Variants in MMP3 observed in about 807,000 individuals in gnomAD.
MMP3 encodes matrix metallopeptidase 3.
MMP3 carries 46 observed loss-of-function variants against 47.3 expected under a neutral mutation model. That is an observed-to-expected ratio of 0.97 (90% CI 0.77 to 1.24). The LOEUF (loss-of-function observed/expected upper bound fraction) is 1.24. Ranked by LOEUF, MMP3 falls within the 50% of genes most tolerant of loss-of-function variation. The pLI, the probability that MMP3 is intolerant of heterozygous loss-of-function variation, is 0.00. For synonymous variants in MMP3, 216 were observed against 206.5 expected, an observed-to-expected ratio of 1.05 and a Z score of -0.39; for missense variants, 558 against 565.5, an observed-to-expected ratio of 0.99 and a Z score of 0.13.
chr11:102,842,322 C>G (rs781888763), intron 3 of MMP3, 43 bp from the exon 4 acceptor site: 1 of 1,573,116 alleles, frequency 6.4e-7, no homozygotes, highest in Admixed American at 2.0e-5. Flanking sequence ...TAACAAGGAT[C>G]CCTTTTGAGC....
intron 4 of MMP3, 28 bp downstream of exon 4, chr11:102,842,126 A>G (rs782737882): frequency 6.6e-7 from 1 of 1,505,670 alleles, no homozygotes; most frequent in South Asian, 1.5e-5. Context: ...ATTAATGCCA[A>G]AATCATTCTG....
At chr11:102,842,070 T>C (rs1354570871) in intron 4 of MMP3, 84 bp downstream of exon 4, 1 of 1,332,168 alleles carries the variant, frequency 7.5e-7, no homozygotes, top group East Asian at 2.5e-5. Flanking sequence ...GAACATCTCA[T>C]TTCTTGAGCA....
intron 7 of MMP3, 30 bp downstream of exon 7, chr11:102,839,080 A>G (rs1858941384): frequency 6.3e-7 from 1 of 1,595,540 alleles, no homozygotes. Context: ...TTACTTTGGC[A>G]AGTTAAACAA....
In MMP3 at chr11:102,838,643, TA is replaced by T; in HGVS notation, c.1136del (p.Leu379GlnfsTer7). The T allele has an allele frequency of 6.2e-7, 1 of 1,613,534 alleles. No individual in the cohort carries two copies. Among genetic ancestry groups the T allele is most frequent in the East Asian group, 2.2e-5 (1 of 44,888 alleles). ...RAGYPRGIHT[L>X]GFPPTVRKID... ...TTTTCCTCACGGTTGGAGGGAAACC[TA>T]GGGTGTGGATGCCTCTTGGGTATCC... is the stretch of plus-strand genomic sequence containing the variant. On this transcript the variant is annotated frameshift_variant, in exon 8 of 10. Transcript: ENST00000299855. LOFTEE classifies it high-confidence loss of function.
At chr11:102,840,626 T>A (rs1555005304) in intron 4 of MMP3, 33 bp from the exon 5 acceptor site, 2 of 1,606,784 alleles carry the variant, frequency 1.2e-6, no homozygotes, top group Non-Finnish European at 1.7e-6. Flanking sequence ...TAGTTACTTA[T>A]TTTTTAAATA....
Position 102,839,103 on chromosome 11 carries a change from T to C in MMP3, c.1069+7A>G. 1 of 1,611,110 alleles carries C rather than the reference T, an allele frequency of 6.2e-7. No individual in the cohort carries two copies. The highest frequency in any genetic ancestry group is 8.5e-7 in the Non-Finnish European group (1 of 1,179,226). ...GCAAGTTAAACAAATGATGATATAG[T>C]AATTACCTTTAAAAATGAAAACGAG... On this transcript the variant is annotated splice_region_variant and intron_variant, in intron 7 of 9. Transcript: ENST00000299855.
chr11:102,843,085 G>A (rs1202021167), intron 1 of MMP3, among the ~76,000 whole-genome samples, 169 bp from the exon 2 acceptor site: 1 of 144,280 alleles, frequency 6.9e-6, no homozygotes, highest in Admixed American at 7.2e-5. Flanking sequence ...CAAATATTTA[G>A]CTAAAATTAC....
In MMP3 at chr11:102,839,149, A is replaced by G. The variant is rs782558227; in HGVS notation, c.1030T>C (p.Tyr344His). The change falls in exon 7 of 10, where the codon TAT (tyrosine) becomes CAT (histidine). Residue 344 changes from tyrosine (Y) to histidine (H), a missense_variant. By Grantham distance (83) the Tyr-to-His change is moderately conservative. Coordinates refer to ENST00000299855, the MANE Select transcript of MMP3 (RefSeq NM_002422.5). ...PSLPSGVDAA[Y>H]EVTSKDLVFI... ...ACGAGGTCCTTGCTAGTAACTTCATATGCGGCATCCACGCCTGAAGGAAGA... is the reference window on the plus strand; with the variant it reads ...ACGAGGTCCTTGCTAGTAACTTCATGTGCGGCATCCACGCCTGAAGGAAGA... The G allele has an allele frequency of 5.0e-6, 8 of 1,614,066 alleles. No homozygotes were observed. The highest frequency in any genetic ancestry group is 1.3e-5 in the African/African-American group (1 of 74,944).
In MMP3 at chr11:102,842,676, A is replaced by T; in HGVS notation, c.346T>A (p.Tyr116Asn). ...IPKWRKTHLTYRIVNYTPDLP... is the reference protein window; with the variant it reads ...IPKWRKTHLTNRIVNYTPDLP... ...AAAACCCCTCTGAACCATTACCTGT[A>T]TGTAAGGTGGGTTTTCCTCCACTTC... The change falls in exon 2 of 10, where the codon TAC becomes AAC. Residue 116 changes from tyrosine (Y) to asparagine (N), a missense_variant. Coordinates refer to ENST00000299855, the MANE Select transcript of MMP3 (RefSeq NM_002422.5). 1 of 1,613,934 alleles carries T rather than the reference A, an allele frequency of 6.2e-7. No homozygotes were observed. The highest frequency in any genetic ancestry group is 8.5e-7 in the Non-Finnish European group (1 of 1,179,948).
In MMP3 at chr11:102,838,836, C is replaced by G. The variant is rs187448381; in HGVS notation, c.1070-126G>C. 2.4e-4 allele frequency: 282 copies of G among 1,195,958 alleles called. 2 individuals carry two copies. The African/African-American group carries it at 3.9e-3, about 16-fold the overall frequency. 74.1% of individuals were successfully genotyped at this position (1,195,958 alleles called of 1,614,324 possible). ...GTAGCCCAAATTTTAGATTTAGTCACCAGCTTACAGTGGGCTTTTCACAAA... is the reference window on the plus strand; with the variant it reads ...GTAGCCCAAATTTTAGATTTAGTCAGCAGCTTACAGTGGGCTTTTCACAAA... On this transcript the variant is annotated intron_variant, in intron 7 of 9. Coordinates refer to ENST00000299855, the MANE Select transcript of MMP3 (RefSeq NM_002422.5).
chr11:102,838,779 A>G, intron 7 of MMP3, 69 bp from the exon 8 acceptor site: 1 of 1,481,894 alleles, frequency 6.7e-7, no homozygotes, highest in Non-Finnish European at 9.1e-7. Flanking sequence ...TTAGAAATAC[A>G]CTTTAGCATC....
chr11:102,838,752 A>G, intron 7 of MMP3, 42 bp from the exon 8 acceptor site: 1 of 1,569,752 alleles, frequency 6.4e-7, no homozygotes, highest in Non-Finnish European at 8.7e-7. Flanking sequence ...GAATTATAAC[A>G]GTTAAGCCCT....
Position 102,837,409 on chromosome 11 carries a change from A to G in MMP3, c.1230-8T>C, listed in dbSNP as rs1414202024. On this transcript the variant is annotated splice_region_variant and splice_polypyrimidine_tract_variant and intron_variant, in intron 8 of 9. Coordinates refer to ENST00000299855, the MANE Select transcript of MMP3 (RefSeq NM_002422.5). The surrounding 1 kb of genome is among the most constrained non-coding windows in gnomAD (Gnocchi z 4.4). ...TTTCTCTTCTCATCAAATCTGTACC[A>G]AGTAAAAGAAACAGCTCAGCATTGC... is the stretch of plus-strand genomic sequence containing the variant. 1 of 1,606,842 alleles carries G rather than the reference A, an allele frequency of 6.2e-7. No individual in the cohort carries two copies. Among genetic ancestry groups the G allele is most frequent in the Non-Finnish European group, 8.5e-7 (1 of 1,173,832 alleles).
intron 3 of MMP3, 27 bp downstream of exon 3, chr11:102,842,404 C>A (rs538161727): frequency 1.2e-6 from 1 of 810,712 alleles, no homozygotes; most frequent in South Asian, 2.8e-5. Flanking sequence ...TTTTGTTTTG[C>A]TTTTTTTTTT....
At position 102,837,073 on chromosome 11, in the gene MMP3, G is replaced by A. The variant is rs1555004675; in HGVS notation, c.1333+225C>T. 6.6e-6 allele frequency among the ~76,000 whole-genome samples: 1 copy of A among 152,200 alleles called. No homozygotes were observed. Among genetic ancestry groups the A allele is most frequent in the Non-Finnish European group, 1.5e-5 (1 of 68,040 alleles). Reference sequence around the variant, plus strand: ...TGGAGCACTTTGATTTTATATGCATGTATAAGATAAAGTAGCGAGATTTGT... The same window carrying A: ...TGGAGCACTTTGATTTTATATGCATATATAAGATAAAGTAGCGAGATTTGT... On this transcript the variant is annotated intron_variant, in intron 9 of 9. Coordinates refer to ENST00000299855, the MANE Select transcript of MMP3 (RefSeq NM_002422.5). The surrounding 1 kb of genome is among the most constrained non-coding windows in gnomAD (Gnocchi z 4.4).
Position 102,843,515 on chromosome 11 carries a change from C to T in MMP3, c.32G>A (p.Cys11Tyr). The T allele has an allele frequency of 1.2e-6, 2 of 1,613,666 alleles. No individual in the cohort carries two copies. Among genetic ancestry groups the T allele is most frequent in the Non-Finnish European group, 1.7e-6 (2 of 1,179,772 alleles). MKSLPILLLL[C>Y]VAVCSAYPLD... ...TGGATAGGCTGAGCAAACTGCCACG[C>T]ACAGCAACAGTAGGATTGGAAGACT... Residue 11 changes from cysteine to tyrosine, a missense_variant, in exon 1 of 10, where the codon TGC becomes TAC. Cys to Tyr is a radical substitution (Grantham distance 194). Transcript: ENST00000299855.
chr11:102,839,679 A>G (rs1259935418), intron 6 of MMP3, among the ~76,000 whole-genome samples: 2 of 152,174 alleles, frequency 1.3e-5, no homozygotes, highest in African/African-American at 4.8e-5. Context: ...GTACAGGGAG[A>G]ACTGGGAACT....
At position 102,836,833 on chromosome 11, in the gene MMP3, T is replaced by C. The variant is rs1858891174; in HGVS notation, c.1333+465A>G. 1 of 230,858 alleles carries C rather than the reference T, an allele frequency of 4.3e-6. No homozygotes were observed. The highest frequency in any genetic ancestry group is 5.8e-5 in the South Asian group (1 of 17,148). 14.3% of individuals were successfully genotyped at this position (230,858 alleles called of 1,614,324 possible). A position where few individuals can be genotyped will look rare whatever the true frequency, so the allele number is the denominator to read the frequency against. ...CTTTGGGCACATGGAAAGGTAAGTA[T>C]TTGCAAATGACTGGCATGGGCAATG... On this transcript the variant is annotated intron_variant, in intron 9 of 9. Coordinates refer to ENST00000299855, the MANE Select transcript of MMP3 (RefSeq NM_002422.5). This position sits in a 1 kb window ranked among gnomAD's most constrained non-coding sequence, Gnocchi z 4.6.
Position 102,835,874 on chromosome 11 carries a change from A to G in MMP3, c.*252T>C. 2.3e-6 allele frequency: 1 copy of G among 434,340 alleles called. No individual in the cohort carries two copies. The highest frequency in any genetic ancestry group is 4.1e-6 in the Non-Finnish European group (1 of 242,196). The allele number at this position is 434,340 out of a possible 1,614,324, so 26.9% of individuals were successfully genotyped here. A position where few individuals can be genotyped will look rare whatever the true frequency, so the allele number is the denominator to read the frequency against. On this transcript the variant is annotated 3_prime_UTR_variant, in exon 10 of 10. Coordinates refer to ENST00000299855, the MANE Select transcript of MMP3 (RefSeq NM_002422.5). ...AGATACAGTCACTTGTCTGTTGCACACGAGTGCTTCCCCTTCTCTTGGGAA... is the reference window on the plus strand; with the variant it reads ...AGATACAGTCACTTGTCTGTTGCACGCGAGTGCTTCCCCTTCTCTTGGGAA...
Sources: allele counts gnomAD v4.1 joint callset (sites outside exome capture counted in the v4.1 genomes callset), GRCh38; gene constraint gnomAD v4.1.1; non-coding constraint Gnocchi (gnomAD v3.1); transcripts MANE v1.5; gene names NCBI Gene and HGNC (gene_info 2026-07-23, HGNC 2026-07-21).